Variants in FGD5 observed in about 807,000 individuals in gnomAD.
The protein encoded by FGD5 is FYVE, RhoGEF and PH domain containing 5, also known as FYVE, RhoGEF and PH domain-containing protein 5.
In FGD5, 28 loss-of-function variants were observed where a neutral mutation model predicts 133.4. The observed-to-expected ratio is 0.21, with a 90% CI of 0.16 to 0.29. FGD5 has a LOEUF of 0.29. Ranked by LOEUF, FGD5 falls within the 10% of genes least tolerant of loss-of-function variation. FGD5 has a pLI of 1.00. For synonymous variants in FGD5, 810 were observed against 776.5 expected (o/e 1.04, Z -0.72); for missense variants, 1,858 against 1,895.2 (o/e 0.98, Z 0.36).
intron 18 of FGD5, 176 bp from the exon 19 acceptor site, chr3:14,932,401 C>A: frequency 1.1e-4 from 63 of 591,850 alleles, no homozygotes; most frequent in East Asian, 3.4e-4. Context: ...TTCTTTCCTT[C>A]CTCAGGGCTG....
Position 14,897,616 on chromosome 3 carries a change from C to A in FGD5, c.2856C>A (p.Ile952=). The change falls in exon 5 of 20, where the codon ATC becomes ATA. Residue 952 remains isoleucine (I), a synonymous_variant. Transcript: ENST00000285046. ...AGGGCCTGAGTGAACTCCCAGCCATCCACGACCTTCATCAAGGCATCCTGG... is the reference window on the plus strand; with the variant it reads ...AGGGCCTGAGTGAACTCCCAGCCATACACGACCTTCATCAAGGCATCCTGG... ...LRQGLSELPA[I]HDLHQGILEE... 6.2e-7 allele frequency: 1 copy of A among 1,606,298 alleles called. No homozygotes were observed. Among genetic ancestry groups the A allele is most frequent in the Non-Finnish European group, 8.5e-7 (1 of 1,176,454 alleles).
At chr3:14,859,286 G>A (rs1205582663) in intron 1 of FGD5, among the ~76,000 whole-genome samples, 2 of 152,194 alleles carry the variant, frequency 1.3e-5, no homozygotes, top group Non-Finnish European at 2.9e-5. Flanking sequence ...GCCAGGCACA[G>A]TGGCTCGTGC....
At chr3:14,821,720 C>G in intron 1 of FGD5, 124 bp downstream of exon 1, 2 of 1,350,226 alleles carry the variant, frequency 1.5e-6, no homozygotes, top group Non-Finnish European at 1.9e-6. Context: ...GCTGTGTTGA[C>G]TTGGGGTGAG....
intron 1 of FGD5, among the ~76,000 whole-genome samples, chr3:14,847,677 GT>G (rs2037075838): frequency 6.6e-6 from 1 of 152,228 alleles, no homozygotes; most frequent in Admixed American, 6.5e-5. Flanking sequence ...CTTGCCCAGG[GT>G]TGTGTAGCTG....
chr3:14,863,494 T>C (rs1402695749), intron 1 of FGD5, among the ~76,000 whole-genome samples: 1 of 152,176 alleles, frequency 6.6e-6, no homozygotes, highest in African/African-American at 2.4e-5. Context: ...CTGACTGCTA[T>C]GTTCATTATT....
At chr3:14,886,202 G>C (rs1185581422) in intron 4 of FGD5, among the ~76,000 whole-genome samples, 1 of 152,186 alleles carries the variant, frequency 6.6e-6, no homozygotes, top group African/African-American at 2.4e-5. Flanking sequence ...CAGGAAGAAG[G>C]AGAAAGGTAG....
chr3:14,932,841 T>C, intron 19 of FGD5, 110 bp downstream of exon 19: 3 of 1,297,124 alleles, frequency 2.3e-6, no homozygotes, highest in East Asian at 4.6e-5. Context: ...TCCCATTAGG[T>C]CCCTTTGGGC....
chr3:14,857,045 T>TTC (rs1473273533), intron 1 of FGD5, among the ~76,000 whole-genome samples: 1 of 152,220 alleles, frequency 6.6e-6, no homozygotes, highest in Non-Finnish European at 1.5e-5. Context: ...TTGAGGTACT[T>TTC]TCCTTCTGCA....
In FGD5 at chr3:14,917,169, G is replaced by T; in HGVS notation, c.3406-80G>T. The T allele has an allele frequency of 7.6e-7, 1 of 1,324,468 alleles. No individual in the cohort carries two copies. The highest frequency in any genetic ancestry group is 1.3e-5 in the South Asian group (1 of 76,632). The allele number at this position is 1,324,468 out of a possible 1,614,324, so 82.0% of individuals were successfully genotyped here. A position where few individuals can be genotyped will look rare whatever the true frequency, so the allele number is the denominator to read the frequency against. On this transcript the variant is annotated intron_variant, in intron 11 of 19. Transcript: ENST00000285046. This position sits in a 1 kb window ranked among gnomAD's most constrained non-coding sequence, Gnocchi z 4.1. The stretch of plus-strand genomic sequence containing the variant: ...ATACAAGATGCCTGTGCACAGCGGA[G>T]CTCAGGGATCCTTTGAGGACAGAAG...
chr3:14,917,309 A>T lies in FGD5; in HGVS notation c.3466A>T (p.Thr1156Ser), dbSNP rs1319870297. The T allele has an allele frequency of 6.2e-7, 1 of 1,613,598 alleles. No homozygotes were observed. Among genetic ancestry groups the T allele is most frequent in the Admixed American group, 1.7e-5 (1 of 59,960 alleles). ...GGATGGGAAGTACCGGCTGAAGAACACATTGGCTGTGGCCAACATGAAGGT... is the reference window on the plus strand; with the variant it reads ...GGATGGGAAGTACCGGCTGAAGAACTCATTGGCTGTGGCCAACATGAAGGT... ...QKDGKYRLKN[T>S]LAVANMKVSR... Residue 1156 changes from threonine (T) to serine (S), a missense_variant, in exon 12 of 20, where the codon ACA (threonine) becomes TCA (serine). Thr to Ser is a moderately conservative substitution (Grantham distance 58). Around this residue, in one of 3 missense-constraint regions of FGD5, gnomAD observed 1,824 missense variants for 1,848.9 expected, o/e 0.99. Transcript: ENST00000285046. This position sits in a 1 kb window ranked among gnomAD's most constrained non-coding sequence, Gnocchi z 4.1.
rs1254133990 is a variant in FGD5 at position 14,917,195 on chromosome 3, C to G, written c.3406-54C>G. On this transcript the variant is annotated intron_variant, in intron 11 of 19. Coordinates refer to ENST00000285046, the MANE Select transcript of FGD5 (RefSeq NM_152536.4). This position sits in a 1 kb window ranked among gnomAD's most constrained non-coding sequence, Gnocchi z 4.1. ...CTCAGGGATCCTTTGAGGACAGAAGCCTGGCGCAGCCTTCTGGGGCCAGGG... is the reference window on the plus strand; with the variant it reads ...CTCAGGGATCCTTTGAGGACAGAAGGCTGGCGCAGCCTTCTGGGGCCAGGG... 4 of 1,504,564 alleles carry G rather than the reference C, an allele frequency of 2.7e-6. No individual in the cohort carries two copies. The Admixed American group carries it at 5.6e-5, about 21-fold the overall frequency. The allele number at this position is 1,504,564 out of a possible 1,614,324, so 93.2% of individuals were successfully genotyped here.
chr3:14,822,552 A>G (rs1428677328), intron 1 of FGD5, among the ~76,000 whole-genome samples: 2 of 151,708 alleles, frequency 1.3e-5, no homozygotes, highest in Non-Finnish European at 2.9e-5. Flanking sequence ...GTTATTGAAC[A>G]GCAGTGGGGG....
chr3:14,845,799 CT>C (rs1194587329), intron 1 of FGD5, among the ~76,000 whole-genome samples: 1 of 152,202 alleles, frequency 6.6e-6, no homozygotes, highest in Admixed American at 6.5e-5. Flanking sequence ...CTTTAATACA[CT>C]TTATGTTCAG....
At chr3:14,835,417 T>G (rs935245299) in intron 1 of FGD5, among the ~76,000 whole-genome samples, 5 of 151,924 alleles carry the variant, frequency 3.3e-5, no homozygotes, top group Non-Finnish European at 5.9e-5. Flanking sequence ...CAAAAATTGC[T>G]TGAACCTGGG....
At position 14,844,008 on chromosome 3, in the gene FGD5, T is replaced by C. The variant is rs1280735705; in HGVS notation, c.2526-20120T>C. ...CTGCGCCCAGCTCCCAGGGCGCTTTTCTAACTTCCTTTGAAACTCACAGCA... is the reference window on the plus strand; with the variant it reads ...CTGCGCCCAGCTCCCAGGGCGCTTTCCTAACTTCCTTTGAAACTCACAGCA... On this transcript the variant is annotated intron_variant, in intron 1 of 19. Transcript: ENST00000285046. 2.0e-5 allele frequency among the ~76,000 whole-genome samples: 3 copies of C among 148,976 alleles called. No homozygotes were observed. The South Asian group carries it at 6.3e-4, about 31-fold the overall frequency.
Position 14,820,418 on chromosome 3 carries a change from A to C in FGD5, c.1347A>C (p.Ala449=), listed in dbSNP as rs755989277. 1.9e-6 allele frequency: 3 copies of C among 1,613,874 alleles called. No homozygotes were observed. Among genetic ancestry groups the C allele is most frequent in the Admixed American group, 3.3e-5 (2 of 60,002 alleles). The change falls in exon 1 of 20, where the codon GCA becomes GCC. Residue 449 remains alanine, a synonymous_variant. Coordinates refer to ENST00000285046, the MANE Select transcript of FGD5 (RefSeq NM_152536.4). Reference sequence around the variant, plus strand: ...CCCCTGGAGAAGGAGGGCAGGCTGCATCGGACGCCCTGGGTGGTTATGGCT... The same window carrying C: ...CCCCTGGAGAAGGAGGGCAGGCTGCCTCGGACGCCCTGGGTGGTTATGGCT... ...QAAPGEGGQA[A]SDALGGYGSK... is the part of the protein sequence containing the mutation.
Position 14,921,979 on chromosome 3 carries a change from A to G in FGD5, c.3631A>G (p.Lys1211Glu), listed in dbSNP as rs570263010. 20 of 1,570,806 alleles carry G rather than the reference A, an allele frequency of 1.3e-5. No homozygotes were observed. In the East Asian group the frequency reaches 4.5e-4, roughly 35 times the overall value. ...CLSRALPEDY[K>E]AQALAAFHHS... ...GAGCAGAGCCCTCCCTGAGGACTACAAGGCCCAGGCGCTGGCTGCATTCCA... is the reference window on the plus strand; with the variant it reads ...GAGCAGAGCCCTCCCTGAGGACTACGAGGCCCAGGCGCTGGCTGCATTCCA... The change falls in exon 14 of 20, where the codon AAG becomes GAG. Residue 1211 changes from lysine to glutamate, a missense_variant. Physicochemically the swap from Lys to Glu is moderately conservative, Grantham distance 56. Coordinates refer to ENST00000285046, the MANE Select transcript of FGD5 (RefSeq NM_152536.4).
chr3:14,906,082 T>C (rs575687948), intron 9 of FGD5, among the ~76,000 whole-genome samples: 1 of 152,300 alleles, frequency 6.6e-6, no homozygotes, highest in Admixed American at 6.5e-5. Flanking sequence ...CTGTGACCTG[T>C]GGGGTAGGTC....
intron 1 of FGD5, among the ~76,000 whole-genome samples, chr3:14,827,670 C>G (rs1267588848): frequency 5.3e-5 from 8 of 152,236 alleles, no homozygotes; most frequent in Admixed American, 2.0e-4. Context: ...GTTGGCAACT[C>G]ATCAATAAGA....
Sources: allele counts gnomAD v4.1 joint callset (sites outside exome capture counted in the v4.1 genomes callset), GRCh38; gene constraint gnomAD v4.1.1; regional missense constraint gnomAD v4.1.1; non-coding constraint Gnocchi (gnomAD v3.1); transcripts MANE v1.5; gene names NCBI Gene and HGNC (gene_info 2026-07-23, HGNC 2026-07-21).